Variants in ADGRE1 observed in about 807,000 individuals in gnomAD.
ADGRE1 encodes EGF-like module receptor 1.
Under a neutral mutation model 102.7 loss-of-function variants are expected in ADGRE1, and 82 were observed. The observed-to-expected ratio is 0.80, with a 90% confidence interval of 0.67 to 0.96. The LOEUF is 0.96. Ranked by LOEUF, ADGRE1 falls within the 40% of genes least tolerant of loss-of-function variation. The probability of loss-of-function intolerance (pLI) is 0.00; values close to 1 mark genes in which losing one functional copy is unlikely to be tolerated. For synonymous variants in ADGRE1, 398 were observed against 399.6 expected (o/e 1.00, Z 0.05); for missense variants, 1,032 against 1,085.3 (o/e 0.95, Z 0.69).
At chr19:6,932,767 C>G (rs1975217566) in intron 17 of ADGRE1, among the ~76,000 whole-genome samples, 1 of 152,218 alleles carries the variant, frequency 6.6e-6, no homozygotes, top group South Asian at 2.1e-4. Context: ...TACCAGCCAA[C>G]TTTCTACTTC....
chr19:6,890,939 A>T (rs1052087431), intron 2 of ADGRE1, among the ~76,000 whole-genome samples: 1 of 152,114 alleles, frequency 6.6e-6, no homozygotes, highest in Non-Finnish European at 1.5e-5. Context: ...AAAAAAAGTG[A>T]CTTCTTTATG....
intron 3 of ADGRE1, 184 bp downstream of exon 3, chr19:6,896,725 T>C (rs1356034277): frequency 3.1e-6 from 2 of 650,498 alleles, no homozygotes; most frequent in Non-Finnish European, 5.0e-6. Context: ...GGGGGTGTTG[T>C]TACTGTCACA....
Position 6,932,341 on chromosome 19 carries a change from G to A in ADGRE1, c.2290-2646G>A, listed in dbSNP as rs139453555. On this transcript the variant is annotated intron_variant, in intron 17 of 20. Coordinates refer to ENST00000312053, the MANE Select transcript of ADGRE1 (RefSeq NM_001974.5). ...AAATCAGCCAGGCGTGGTGGTGCAC[G>A]CCTGTAGTCCCAGCTACTCAGGAGG... Among the ~76,000 whole-genome samples the A allele has an allele frequency of 7.6e-3, 1,151 of 152,160 alleles. 20 individuals carry two copies. The highest frequency in any genetic ancestry group is 0.026 in the African/African-American group (1,090 of 41,524).
At chr19:6,917,332 G>A (rs1368388912) in intron 12 of ADGRE1, among the ~76,000 whole-genome samples, 5 of 152,184 alleles carry the variant, frequency 3.3e-5, no homozygotes, top group Non-Finnish European at 7.3e-5. Context: ...GCAGGAGAGA[G>A]TGTGTTACAG....
At chr19:6,914,858 C>A (rs933667104) in intron 11 of ADGRE1, among the ~76,000 whole-genome samples, 1 of 151,664 alleles carries the variant, frequency 6.6e-6, no homozygotes, top group African/African-American at 2.4e-5. Context: ...AAGAGAGCCA[C>A]GTAAATATCT....
chr19:6,934,961 C>G, intron 17 of ADGRE1, 26 bp from the exon 18 acceptor site: 1 of 1,529,652 alleles, frequency 6.5e-7, no homozygotes, highest in Non-Finnish European at 8.9e-7. Flanking sequence ...TATCCAGTCT[C>G]TCCATCCTTC....
rs768578463 is a variant in ADGRE1, at chr19:6,908,654, C to T, written c.1039-35C>T. 5.1e-6 allele frequency: 7 copies of T among 1,370,562 alleles called. No individual in the cohort carries two copies. The South Asian group carries it at 7.4e-5, about 14-fold the overall frequency. The allele number at this position is 1,370,562 out of a possible 1,614,324, so 84.9% of individuals were successfully genotyped here. On this transcript the variant is annotated intron_variant, in intron 9 of 20. Transcript: ENST00000312053. ...TTGGGGGAATACATCGATTCATGCT[C>T]ACAAATGCTCTTTTTTTTTTTTTCT... is the stretch of plus-strand genomic sequence containing the variant.
chr19:6,928,431 GT>G (rs1975009322), intron 17 of ADGRE1: 1 of 1,178,876 alleles, frequency 8.5e-7, no homozygotes, highest in African/African-American at 1.6e-5. Flanking sequence ...TTCGAGAACA[GT>G]CTGGCCAACT....
At chr19:6,925,737 T>C (rs920725191) in intron 15 of ADGRE1, among the ~76,000 whole-genome samples, 11 of 152,138 alleles carry the variant, frequency 7.2e-5, no homozygotes, top group Non-Finnish European at 1.6e-4. Flanking sequence ...GGTCTTGCTA[T>C]GTCACCCAGG....
chr19:6,888,732 T>C (rs1316096814), intron 1 of ADGRE1, among the ~76,000 whole-genome samples: 1 of 152,108 alleles, frequency 6.6e-6, no homozygotes, highest in Non-Finnish European at 1.5e-5. Context: ...AATGAATGAG[T>C]AGAAGAATTT....
At chr19:6,928,013 C>G in intron 16 of ADGRE1, 132 bp from the exon 17 acceptor site, 1 of 1,149,526 alleles carries the variant, frequency 8.7e-7, no homozygotes, top group Non-Finnish European at 1.2e-6. Flanking sequence ...GAACTGCAAC[C>G]GGGACCATCC....
In ADGRE1 at chr19:6,924,739, T is replaced by C. The variant is rs1212999321; in HGVS notation, c.1853T>C (p.Val618Ala). Residue 618 changes from valine (V) to alanine (A), a missense_variant, in exon 15 of 21, where the codon GTC becomes GCC. By Grantham distance (64) the Val-to-Ala change is moderately conservative (BLOSUM62 0). Transcript: ENST00000312053. Reference protein sequence around the residue: ...VGIIISLVCLVLAIATFLLCR... With the variant: ...VGIIISLVCLALAIATFLLCR... ...ATTATCATCTCCTTGGTGTGCCTCG[T>C]CTTGGCCATCGCCACCTTTCTGCTG... The C allele has an allele frequency of 3.1e-6, 5 of 1,614,074 alleles. No individual in the cohort carries two copies. The highest frequency in any genetic ancestry group is 8.5e-7 in the Non-Finnish European group (1 of 1,180,048).
intron 5 of ADGRE1, among the ~76,000 whole-genome samples, chr19:6,900,395 G>A (rs1427713128): frequency 6.6e-6 from 1 of 152,154 alleles, no homozygotes; most frequent in East Asian, 1.9e-4. Flanking sequence ...TGAGGTGGGA[G>A]GATCACTTGA....
intron 16 of ADGRE1, among the ~76,000 whole-genome samples, chr19:6,927,915 C>T (rs1247683558): frequency 6.6e-6 from 1 of 152,092 alleles, no homozygotes; most frequent in African/African-American, 2.4e-5. Flanking sequence ...GGGAAATGAG[C>T]TCAACCTTGG....
At chr19:6,932,420 A>G (rs1398768596) in intron 17 of ADGRE1, among the ~76,000 whole-genome samples, 1 of 152,144 alleles carries the variant, frequency 6.6e-6, no homozygotes, top group Non-Finnish European at 1.5e-5. Flanking sequence ...GTGAGCCGAG[A>G]TGGCGCCACT....
intron 20 of ADGRE1, 98 bp from the exon 21 acceptor site, chr19:6,939,926 G>A: frequency 7.6e-7 from 1 of 1,316,942 alleles, no homozygotes; most frequent in Non-Finnish European, 1.1e-6. Context: ...CTTTGTTACT[G>A]TATTTTTAAT....
intron 9 of ADGRE1, among the ~76,000 whole-genome samples, chr19:6,907,324 T>C (rs1162120082): frequency 6.7e-6 from 1 of 150,244 alleles, no homozygotes; most frequent in African/African-American, 2.5e-5. Flanking sequence ...AATCATCACC[T>C]CAATCTAGTT....
chr19:6,937,478 C>T, intron 19 of ADGRE1, 66 bp from the exon 20 acceptor site: 1 of 1,593,530 alleles, frequency 6.3e-7, no homozygotes, highest in Non-Finnish European at 8.6e-7. Flanking sequence ...CCACCGCATC[C>T]CTCCACCCAA....
At chr19:6,916,545 A>G (rs1599743669) in intron 12 of ADGRE1, among the ~76,000 whole-genome samples, 177 bp downstream of exon 12, 1 of 149,040 alleles carries the variant, frequency 6.7e-6, no homozygotes, top group East Asian at 1.9e-4. Flanking sequence ...AAATAACCTT[A>G]TAATACTGGA....
Sources: allele counts gnomAD v4.1 joint callset (sites outside exome capture counted in the v4.1 genomes callset), GRCh38; gene constraint gnomAD v4.1.1; transcripts MANE v1.5; gene names NCBI Gene and HGNC (gene_info 2026-07-23, HGNC 2026-07-21).